ARSF: variants seen among roughly 807,000 people sequenced by gnomAD.
ARSF encodes arylsulfatase F.
ARSF carries 33 observed loss-of-function variants against 35.4 expected under a neutral mutation model. The ratio of observed to expected loss-of-function variants is 0.93; its 90% CI spans 0.71 to 1.25. The LOEUF (loss-of-function observed/expected upper bound fraction) is 1.25, where lower values mean the gene tolerates loss of function less well. Ranked by LOEUF, ARSF falls within the 50% of genes most tolerant of loss-of-function variation. The pLI, the probability that ARSF is intolerant of heterozygous loss-of-function variation, is 0.00. For missense variants in ARSF, 501 were observed against 480.2 expected, an observed-to-expected ratio of 1.04 and a Z score of -0.40; for synonymous variants, 222 against 193.1, an observed-to-expected ratio of 1.15 and a Z score of -1.24.
intron 6 of ARSF, 87 bp from the exon 7 acceptor site, chrX:3,089,409 A>T: frequency 9.6e-7 from 1 of 1,039,481 alleles, no homozygotes; most frequent in Non-Finnish European, 1.3e-6. Flanking sequence ...AGAAGGAAGC[A>T]GGTCATGTCT....
intron 1 of ARSF, among the ~76,000 whole-genome samples, chrX:3,051,741 C>T (rs2089997808): frequency 8.9e-6 from 1 of 111,745 alleles, no homozygotes; most frequent in Non-Finnish European, 1.9e-5. Context: ...CTCCTGTAAT[C>T]ATAGCATTTT....
intron 1 of ARSF, among the ~76,000 whole-genome samples, chrX:3,062,455 G>A (rs1163754365): frequency 1.8e-5 from 2 of 110,823 alleles, no homozygotes; most frequent in African/African-American, 6.6e-5. Context: ...CTAAGATCAG[G>A]GCAGAGCTGA....
At chrX:3,110,057 C>T (rs778719464) in intron 9 of ARSF, 71 bp from the exon 10 acceptor site, 14 of 1,045,953 alleles carry the variant, frequency 1.3e-5, no homozygotes, top group African/African-American at 1.9e-5. Context: ...CACCAAGTAC[C>T]CTTCAGGTAG....
At chrX:3,051,908 G>A (rs1323838638) in intron 1 of ARSF, among the ~76,000 whole-genome samples, 1 of 110,474 alleles carries the variant, frequency 9.1e-6, no homozygotes, top group African/African-American at 3.3e-5. Context: ...TGGGAGGATT[G>A]CTTGAGCTCA....
At chrX:3,079,131 C>T (rs1004356166) in intron 4 of ARSF, among the ~76,000 whole-genome samples, 1 of 111,509 alleles carries the variant, frequency 9.0e-6, no homozygotes, top group Non-Finnish European at 1.9e-5. Context: ...ATACTATTCC[C>T]TCGCATGGAT....
Position 3,112,432 on chromosome X carries a change from A to G in ARSF, c.1649A>G (p.Tyr550Cys), listed in dbSNP as rs375380570. ...CAGGAAACCATCGTGCCTGTGACCTACCAACTCTCAGAACTGAATCAGGGC... is the reference window on the plus strand; with the variant it reads ...CAGGAAACCATCGTGCCTGTGACCTGCCAACTCTCAGAACTGAATCAGGGC... ...EHQETIVPVT[Y>C]QLSELNQGRT... The change falls in exon 11 of 11, where the codon TAC becomes TGC. Residue 550 changes from tyrosine (Y) to cysteine (C), a missense_variant. Tyr to Cys is a radical substitution (Grantham distance 194, BLOSUM62 -2). Transcript: ENST00000381127. The G allele has an allele frequency of 8.3e-7, 1 of 1,209,569 alleles. No individual in the cohort carries two copies. The highest frequency in any genetic ancestry group is 1.1e-6 in the Non-Finnish European group (1 of 895,177).
At chrX:3,110,307 T>C in intron 10 of ARSF, 55 bp downstream of exon 10, 1 of 1,068,229 alleles carries the variant, frequency 9.4e-7, no homozygotes. Context: ...GTCACTCAGG[T>C]GTATCCTGAA....
intron 10 of ARSF, 91 bp from the exon 11 acceptor site, chrX:3,112,083 A>G: frequency 1.3e-6 from 1 of 774,397 alleles, no homozygotes; most frequent in Non-Finnish European, 1.9e-6. Flanking sequence ...TGGCCTGGGG[A>G]CTGGGGACCC....
intron 6 of ARSF, among the ~76,000 whole-genome samples, chrX:3,088,346 G>A (rs190473561): frequency 7.2e-5 from 8 of 111,475 alleles, no homozygotes; most frequent in Non-Finnish European, 1.1e-4. Flanking sequence ...TTTCGCACTC[G>A]CATGATATGG....
upstream of ARSF, among the ~76,000 whole-genome samples, chrX:3,040,806 C>T (rs973238961): frequency 5.4e-5 from 6 of 110,430 alleles, no homozygotes; most frequent in African/African-American, 2.0e-4. Flanking sequence ...CTATGTTGAG[C>T]CCTGTCAGAG....
chrX:3,062,998 C>CA (rs898135432), intron 1 of ARSF, among the ~76,000 whole-genome samples: 1 of 111,231 alleles, frequency 9.0e-6, no homozygotes, highest in African/African-American at 3.3e-5. Context: ...AGAGACACAA[C>CA]AAAAAAAGAG....
rs186994216 is a variant in ARSF at position 3,092,982 on chromosome X, T to C, written c.967+3350T>C. The stretch of plus-strand genomic sequence containing the variant: ...GTTCAGGCAATCAAAACCATCCTGG[T>C]TAACACTGTGAAACCCCGTCTCTAC... On this transcript the variant is annotated intron_variant, in intron 7 of 10. Coordinates refer to ENST00000381127, the MANE Select transcript of ARSF (RefSeq NM_001201539.2). 1.7e-3 allele frequency among the ~76,000 whole-genome samples: 189 copies of C among 111,320 alleles called. 1 individual carries two copies. Among genetic ancestry groups the C allele is most frequent in the Non-Finnish European group, 2.3e-3 (123 of 53,087 alleles).
upstream of ARSF, among the ~76,000 whole-genome samples, chrX:3,041,221 C>T (rs1023323867): frequency 5.4e-5 from 6 of 110,640 alleles, no homozygotes; most frequent in African/African-American, 1.6e-4. Context: ...GTTCCTAAGT[C>T]CTCTATTTTG....
At chrX:3,112,142 A>T (rs760124165) in intron 10 of ARSF, 32 bp from the exon 11 acceptor site, 32 of 1,141,638 alleles carry the variant, frequency 2.8e-5, no homozygotes, top group South Asian at 1.8e-4. Flanking sequence ...TGAAGTGCGC[A>T]TCATTTGACG....
At chrX:3,085,935 C>T (rs937457878) in intron 6 of ARSF, among the ~76,000 whole-genome samples, 12 of 110,567 alleles carry the variant, frequency 1.1e-4, no homozygotes, top group African/African-American at 1.6e-4. Flanking sequence ...GCAGGAGAAT[C>T]GCTTGAATCC....
chrX:3,106,805 G>A lies in ARSF; in HGVS notation c.1265+2881G>A, dbSNP rs139709046. ...GACACCATTAATGTGTAGAAACACG[G>A]GAATCTGAGGATGCAATGGTTTATC... On this transcript the variant is annotated intron_variant, in intron 9 of 10. Transcript: ENST00000381127. 4.4e-3 allele frequency among the ~76,000 whole-genome samples: 494 copies of A among 111,556 alleles called. 6 individuals carry two copies. The highest frequency in any genetic ancestry group is 9.3e-3 in the Admixed American group (98 of 10,485).
chrX:3,088,418 C>T (rs1197498209), intron 6 of ARSF, among the ~76,000 whole-genome samples: 1 of 111,807 alleles, frequency 8.9e-6, no homozygotes, highest in East Asian at 2.8e-4. Flanking sequence ...ATCAAAGGAA[C>T]TGTGATGGTG....
At chrX:3,073,145 ATATT>A (rs2090118168) in intron 3 of ARSF, among the ~76,000 whole-genome samples, 1 of 99,049 alleles carries the variant, frequency 1.0e-5, no homozygotes, top group Non-Finnish European at 2.0e-5. Flanking sequence ...ATATAAATAA[ATATT>A]TATATAAAAT....
chrX:3,100,024 G>A (rs1165619180), intron 7 of ARSF, among the ~76,000 whole-genome samples: 1 of 111,204 alleles, frequency 9.0e-6, no homozygotes, highest in African/African-American at 3.3e-5. Context: ...TCATAATTAT[G>A]CATAATACAG....
Sources: allele counts gnomAD v4.1 joint callset (sites outside exome capture counted in the v4.1 genomes callset), GRCh38; gene constraint gnomAD v4.1.1; transcripts MANE v1.5; gene names NCBI Gene and HGNC (gene_info 2026-07-23, HGNC 2026-07-21).